Variants in CSE1L observed in about 807,000 individuals in gnomAD.
CSE1L encodes the protein chromosome segregation 1 like, also known as exportin-2.
Under a neutral mutation model 120.4 loss-of-function variants are expected in CSE1L, and 24 were observed. That is an observed-to-expected ratio of 0.20 (90% CI 0.14 to 0.28). CSE1L has a LOEUF of 0.28. CSE1L is among the 10% of genes least tolerant of loss of function. The pLI is 1.00. For missense variants in CSE1L, 830 were observed against 1,145.2 expected (o/e 0.72, Z 3.97); for synonymous variants, 402 against 398.3 (o/e 1.01, Z -0.11).
At chr20:49,057,541 C>T (rs1010278545) in intron 1 of CSE1L, among the ~76,000 whole-genome samples, 2 of 151,088 alleles carry the variant, frequency 1.3e-5, no homozygotes, top group African/African-American at 4.9e-5. Context: ...GCAACCTCTG[C>T]CCCCAGGCTC....
At chr20:49,086,680 A>G (rs1011405283) in intron 16 of CSE1L, among the ~76,000 whole-genome samples, 4 of 152,072 alleles carry the variant, frequency 2.6e-5, no homozygotes, top group Non-Finnish European at 5.9e-5. Context: ...GTCCATTTCT[A>G]TGAGAGCGGC....
intron 1 of CSE1L, among the ~76,000 whole-genome samples, chr20:49,046,926 C>T (rs754549909): frequency 3.3e-5 from 5 of 152,252 alleles, no homozygotes; most frequent in Admixed American, 6.5e-5. Context: ...CTTGCCCTAA[C>T]TCTAGTGAAG....
Position 49,068,716 on chromosome 20 carries a change from C to G in CSE1L, c.569C>G (p.Ala190Gly). Residue 190 changes from alanine to glycine, a missense_variant and splice_region_variant, in exon 7 of 25, where the codon GCC (alanine) becomes GGC (glycine). Ala to Gly is a moderately conservative substitution (Grantham distance 60). Transcript: ENST00000262982. ...FALPLTNLFK[A>G]TIELCSTHAN... ...CATGTTGCTAAATTCCTTTCCAAGG[C>G]CACTATTGAACTCTGCAGTACCCAT... The G allele has an allele frequency of 6.2e-7, 1 of 1,609,472 alleles. No individual in the cohort carries two copies. The highest frequency in any genetic ancestry group is 8.5e-7 in the Non-Finnish European group (1 of 1,176,026).
chr20:49,068,857 C>T, intron 7 of CSE1L, 35 bp downstream of exon 7: 1 of 1,365,698 alleles, frequency 7.3e-7, no homozygotes. Context: ...TTGGTTCTTA[C>T]TCTTTGATTT....
chr20:49,068,148 A>G (rs1401233718), intron 6 of CSE1L, among the ~76,000 whole-genome samples: 2 of 151,996 alleles, frequency 1.3e-5, no homozygotes, highest in Non-Finnish European at 2.9e-5. Flanking sequence ...GCATATAAAG[A>G]TAGTTTTGTG....
chr20:49,085,906 A>G (rs1600543966), intron 16 of CSE1L, among the ~76,000 whole-genome samples: 1 of 152,272 alleles, frequency 6.6e-6, no homozygotes, highest in East Asian at 1.9e-4. Context: ...CATTACAGAA[A>G]ATGTAGCAAA....
intron 1 of CSE1L, among the ~76,000 whole-genome samples, chr20:49,055,517 G>C (rs1600587118): frequency 6.6e-6 from 1 of 152,120 alleles, no homozygotes; most frequent in East Asian, 1.9e-4. Context: ...AGGAGTTCAA[G>C]ACCAGCCTGC....
intron 22 of CSE1L, among the ~76,000 whole-genome samples, chr20:49,092,461 A>G (rs948895785): frequency 2.6e-5 from 4 of 151,888 alleles, no homozygotes; most frequent in Admixed American, 1.3e-4. Flanking sequence ...TTAGAGGACC[A>G]TCTACTCTAC....
intron 2 of CSE1L, 21 bp downstream of exon 2, chr20:49,058,569 TTGGTTGA>T: frequency 6.3e-7 from 1 of 1,596,528 alleles, no homozygotes; most frequent in East Asian, 2.2e-5. Flanking sequence ...TAAACGTTTT[TTGGTTGA>T]TTAATTCCTT....
At chr20:49,071,099 C>G (rs1294331519) in intron 8 of CSE1L, among the ~76,000 whole-genome samples, 1 of 152,062 alleles carries the variant, frequency 6.6e-6, no homozygotes, top group East Asian at 1.9e-4. Context: ...GACCTTCTTT[C>G]CGAAGAGACA....
intron 14 of CSE1L, among the ~76,000 whole-genome samples, chr20:49,083,822 C>T (rs1478271182): frequency 6.6e-6 from 1 of 152,066 alleles, no homozygotes; most frequent in Non-Finnish European, 1.5e-5. Flanking sequence ...GTTTTGTGCT[C>T]TGAAAAGGAG....
intron 10 of CSE1L, among the ~76,000 whole-genome samples, chr20:49,073,161 A>G (rs1209886418): frequency 3.3e-5 from 5 of 152,068 alleles, no homozygotes; most frequent in Admixed American, 2.6e-4. Context: ...ACAGGCACAC[A>G]TCACCATGCC....
At chr20:49,069,067 C>T (rs2091913603) in intron 7 of CSE1L, among the ~76,000 whole-genome samples, 1 of 152,130 alleles carries the variant, frequency 6.6e-6, no homozygotes, top group Non-Finnish European at 1.5e-5. Context: ...TCCTAACTCA[C>T]TCTTGGAGAG....
intron 1 of CSE1L, among the ~76,000 whole-genome samples, chr20:49,047,373 C>T (rs539602278): frequency 1.3e-5 from 2 of 152,070 alleles, no homozygotes; most frequent in East Asian, 1.9e-4. Context: ...TTCTCCTTAG[C>T]CAGTGTGGCT....
chr20:49,078,032 T>C (rs925939483), intron 13 of CSE1L, among the ~76,000 whole-genome samples: 1 of 152,114 alleles, frequency 6.6e-6, no homozygotes, highest in East Asian at 1.9e-4. Flanking sequence ...TAGTTTCTGA[T>C]GTTTATGAAT....
At chr20:49,095,141 T>A (rs1221909709) in intron 24 of CSE1L, 178 bp downstream of exon 24, 4 of 686,648 alleles carry the variant, frequency 5.8e-6, no homozygotes, top group Non-Finnish European at 1.0e-5. Flanking sequence ...TCTTGTATTA[T>A]GTACTACAAA....
At chr20:49,051,866 T>C (rs2091768613) in intron 1 of CSE1L, among the ~76,000 whole-genome samples, 1 of 152,158 alleles carries the variant, frequency 6.6e-6, no homozygotes. Flanking sequence ...CCTGGCTAAT[T>C]TTTATTTATT....
At chr20:49,088,920 C>A (rs2092080415) in intron 17 of CSE1L, among the ~76,000 whole-genome samples, 1 of 152,092 alleles carries the variant, frequency 6.6e-6, no homozygotes. Flanking sequence ...AGTAAGTAGA[C>A]ATAGACATTG....
At chr20:49,046,683 C>T (rs1318817494) in intron 1 of CSE1L, among the ~76,000 whole-genome samples, 1 of 152,258 alleles carries the variant, frequency 6.6e-6, no homozygotes, top group Non-Finnish European at 1.5e-5. Flanking sequence ...CTGAGGGCAA[C>T]TGAGGCGCGG....
Sources: gnomAD v4.1 joint callset for allele counts (sites outside exome capture counted in the v4.1 genomes callset) on GRCh38, gnomAD v4.1.1 for gene constraint, MANE v1.5 for transcripts, NCBI Gene and HGNC (gene_info 2026-07-23, HGNC 2026-07-21) for gene names.